Variants in GRIK2 observed in about 807,000 individuals in gnomAD.
GRIK2 encodes the protein glutamate receptor ionotropic, kainate 2.
Under a neutral mutation model 100.3 loss-of-function variants are expected in GRIK2, and 32 were observed. That is an observed-to-expected ratio of 0.32 (90% CI 0.24 to 0.43). The LOEUF (loss-of-function observed/expected upper bound fraction) is 0.43, where lower values mean the gene tolerates loss of function less well. Ranked by LOEUF, GRIK2 falls within the 20% of genes least tolerant of loss-of-function variation. The probability of loss-of-function intolerance (pLI) is 1.00; values close to 1 mark genes in which losing one functional copy is unlikely to be tolerated. For missense variants in GRIK2, 843 were observed against 1,114.9 expected, an observed-to-expected ratio of 0.76 and a Z score of 3.47; for synonymous variants, 417 against 389.4, an observed-to-expected ratio of 1.07 and a Z score of -0.83.
At chr6:101,549,854 A>T (rs1776423257) in intron 2 of GRIK2, among the ~76,000 whole-genome samples, 1 of 152,182 alleles carries the variant, frequency 6.6e-6, no homozygotes, top group African/African-American at 2.4e-5. Flanking sequence ...TGAGAACTAT[A>T]ATTATCCCCA....
chr6:101,912,750 T>C (rs1788831352), intron 12 of GRIK2, among the ~76,000 whole-genome samples: 1 of 151,560 alleles, frequency 6.6e-6, no homozygotes. Context: ...AGGCTGGCCA[T>C]CCAGCAGTGG....
At chr6:101,493,553 C>A (rs921095205) in intron 2 of GRIK2, among the ~76,000 whole-genome samples, 2 of 151,602 alleles carry the variant, frequency 1.3e-5, no homozygotes, top group Non-Finnish European at 2.9e-5. Flanking sequence ...ATTCTCAGAC[C>A]ACAAATTTTG....
At chr6:102,062,344 A>G (rs1387765454) in intron 16 of GRIK2, among the ~76,000 whole-genome samples, 4 of 150,484 alleles carry the variant, frequency 2.7e-5, no homozygotes, top group Non-Finnish European at 4.5e-5. Flanking sequence ...AGTCCAGGTA[A>G]AAAGCTCAGC....
At chr6:101,549,275 G>GAAA (rs34763570) in intron 2 of GRIK2, among the ~76,000 whole-genome samples, 73,771 of 135,912 alleles carry the variant, frequency 0.54, 20,487 homozygotes, top group Middle Eastern at 0.64. Context: ...GTGATGAACT[G>GAAA]AAAAAAAAAA....
rs561360713 is a variant in GRIK2 at position 101,669,823 on chromosome 6, A to G, written c.542-6800A>G. ...TTTGTCAACCATCTTCCATTTTTCT[A>G]GAGTGTGCTAAATAATGGAATTCAG... is the stretch of plus-strand genomic sequence containing the variant. On this transcript the variant is annotated intron_variant, in intron 4 of 16. Coordinates refer to ENST00000369134, the MANE Select transcript of GRIK2 (RefSeq NM_021956.5). 3.9e-5 allele frequency among the ~76,000 whole-genome samples: 6 copies of G among 152,194 alleles called. No homozygotes were observed. In the South Asian group the frequency reaches 1.2e-3, roughly 32 times the overall value.
At chr6:101,689,567 G>C (rs1407827234) in intron 7 of GRIK2, among the ~76,000 whole-genome samples, 1 of 152,048 alleles carries the variant, frequency 6.6e-6, no homozygotes, top group Non-Finnish European at 1.5e-5. Flanking sequence ...CTGCAGTCTA[G>C]GGTCATCATA....
At chr6:101,684,206 A>G (rs1486134923) in intron 6 of GRIK2, among the ~76,000 whole-genome samples, 1 of 152,166 alleles carries the variant, frequency 6.6e-6, no homozygotes, top group Non-Finnish European at 1.5e-5. Flanking sequence ...AAGTGAGAGC[A>G]TTCCCTCATC....
chr6:101,891,582 ATATT>A (rs1787101134), intron 12 of GRIK2: 1 of 401,400 alleles, frequency 2.5e-6, no homozygotes, highest in Non-Finnish European at 4.8e-6. Flanking sequence ...AATTTTTTAC[ATATT>A]TATATGTAAT....
chr6:101,728,061 A>G lies in GRIK2; in HGVS notation c.951+41708A>G, dbSNP rs559603382. Among the ~76,000 whole-genome samples, 3 of 152,210 alleles carry G rather than the reference A, an allele frequency of 2.0e-5. No individual in the cohort carries two copies. The East Asian group carries it at 5.8e-4, about 29-fold the overall frequency. On this transcript the variant is annotated intron_variant, in intron 7 of 16. Transcript: ENST00000369134. ...AAATGCAGAAAAAATTGATTTTAAA[A>G]TAATTCATATAATTATTTTATTGAG...
At chr6:101,966,656 G>A (rs1353442250) in intron 14 of GRIK2, among the ~76,000 whole-genome samples, 1 of 152,034 alleles carries the variant, frequency 6.6e-6, no homozygotes, top group African/African-American at 2.4e-5. Context: ...AATGGATAAA[G>A]GAAGAGGGAC....
intron 2 of GRIK2, among the ~76,000 whole-genome samples, chr6:101,548,056 T>A (rs1776333904): frequency 1.3e-5 from 2 of 151,978 alleles, no homozygotes; most frequent in African/African-American, 4.8e-5. Context: ...TGATTTGCAT[T>A]TCTCTGATGG....
intron 4 of GRIK2, among the ~76,000 whole-genome samples, chr6:101,670,296 C>T (rs1290911423): frequency 6.6e-6 from 1 of 151,978 alleles, no homozygotes; most frequent in Non-Finnish European, 1.5e-5. Flanking sequence ...ACATTTTACT[C>T]AAATTTTTAA....
At chr6:101,394,616 A>G (rs1774931882) in intron 1 of GRIK2, among the ~76,000 whole-genome samples, 1 of 152,212 alleles carries the variant, frequency 6.6e-6, no homozygotes, top group South Asian at 2.1e-4. Flanking sequence ...ATCAGAAATT[A>G]TCTTATGGAT....
chr6:101,747,489 T>G (rs1776491231), intron 7 of GRIK2, among the ~76,000 whole-genome samples: 2 of 152,236 alleles, frequency 1.3e-5, no homozygotes, highest in South Asian at 4.1e-4. Context: ...TTCAATTAGA[T>G]AGCCTTCATT....
intron 7 of GRIK2, among the ~76,000 whole-genome samples, chr6:101,766,263 G>A (rs1778040199): frequency 1.3e-5 from 2 of 151,778 alleles, no homozygotes; most frequent in Non-Finnish European, 2.9e-5. Context: ...AAAAAAAATT[G>A]TAATATTTAC....
chr6:101,767,014 C>T (rs1364512763), intron 7 of GRIK2, among the ~76,000 whole-genome samples: 1 of 152,010 alleles, frequency 6.6e-6, no homozygotes, highest in Non-Finnish European at 1.5e-5. Flanking sequence ...AATCTTGGTG[C>T]CTAACTCCTA....
At chr6:101,408,799 T>C (rs1252582239) in intron 2 of GRIK2, among the ~76,000 whole-genome samples, 3 of 151,946 alleles carry the variant, frequency 2.0e-5, no homozygotes, top group Admixed American at 1.3e-4. Context: ...ACACCCAAAT[T>C]GTTTGACCAA....
intron 2 of GRIK2, among the ~76,000 whole-genome samples, chr6:101,520,468 T>C (rs1251405339): frequency 6.6e-6 from 1 of 151,872 alleles, no homozygotes; most frequent in Admixed American, 6.6e-5. Flanking sequence ...ACAGCCATTA[T>C]GCATTCAATA....
chr6:101,746,662 T>G (rs552581974), intron 7 of GRIK2, among the ~76,000 whole-genome samples: 81 of 152,274 alleles, frequency 5.3e-4, no homozygotes, highest in Middle Eastern at 6.8e-3. Context: ...ATAAGACAGA[T>G]TTTGTTACCC....
Sources: allele counts gnomAD v4.1 joint callset (sites outside exome capture counted in the v4.1 genomes callset), GRCh38; gene constraint gnomAD v4.1.1; transcripts MANE v1.5; gene names NCBI Gene and HGNC (gene_info 2026-07-23, HGNC 2026-07-21).